The following ANKAR variants were observed in gnomAD, a reference collection of about 807,000 sequenced individuals.
ANKAR encodes the protein ankyrin and armadillo repeat containing.
Under a neutral mutation model 146.2 loss-of-function variants are expected in ANKAR, and 136 were observed. The observed-to-expected ratio is 0.93, with a 90% CI of 0.81 to 1.07. ANKAR has a LOEUF of 1.07. ANKAR is among the 50% of genes least tolerant of loss of function. ANKAR has a pLI of 0.00. For missense variants in ANKAR, 1,567 were observed against 1,679.9 expected (o/e 0.93, Z 1.18); for synonymous variants, 500 against 575.8 (o/e 0.87, Z 1.88).
intron 18 of ANKAR, among the ~76,000 whole-genome samples, chr2:189,760,400 C>T (rs892385028): frequency 2.6e-5 from 4 of 152,078 alleles, no homozygotes; most frequent in African/African-American, 9.7e-5. Context: ...ACCTCCCAGA[C>T]GGGGCGGCTG....
At chr2:189,748,043 C>A (rs1273983705), downstream of ANKAR, among the ~76,000 whole-genome samples, 1 of 152,136 alleles carries the variant, frequency 6.6e-6, no homozygotes, top group Non-Finnish European at 1.5e-5. Flanking sequence ...TGCCTCCATA[C>A]AGTCTGAGGG....
At chr2:189,737,065 C>T (rs562843266) in intron 17 of ANKAR, among the ~76,000 whole-genome samples, 2 of 145,786 alleles carry the variant, frequency 1.4e-5, no homozygotes, top group South Asian at 4.3e-4. Context: ...CAGAGGGAGA[C>T]TTTGTCTCAA....
intron 22 of ANKAR, among the ~76,000 whole-genome samples, chr2:189,745,304 G>C (rs1239037675): frequency 6.6e-6 from 1 of 151,994 alleles, no homozygotes; most frequent in African/African-American, 2.4e-5. Context: ...ATCATTTTCT[G>C]TAAGGCCTTC....
In ANKAR at chr2:189,743,426, T is replaced by A. The variant is rs531022911; in HGVS notation, c.3962T>A (p.Leu1321Ter). The change falls in exon 21 of 23, where the codon TTA (leucine) becomes TAA (stop). Residue 1321 changes from leucine (L) to a stop codon, truncating the protein, a stop_gained. Coordinates refer to ENST00000684021, the MANE Select transcript of ANKAR (RefSeq NM_001378068.1). LOFTEE classifies it high-confidence loss of function. ...GATGCAAGTATTAACCCAGCATTTT[T>A]AAAGGAATTTCAAATGCAACAAACA... is the stretch of plus-strand genomic sequence containing the variant. The part of the protein sequence containing the change: ...SRDASINPAF[L>*]KEFQMQQTLV... 1.2e-4 allele frequency: 197 copies of A among 1,614,002 alleles called. 2 individuals carry two copies. In the South Asian group the frequency reaches 2.0e-3, roughly 17 times the overall value.
At chr2:189,707,372 G>A (rs931177146) in intron 9 of ANKAR, among the ~76,000 whole-genome samples, 2 of 141,520 alleles carry the variant, frequency 1.4e-5, no homozygotes, top group African/African-American at 5.2e-5. Flanking sequence ...AAAGATCTGT[G>A]ACCCAGACTA....
intron 9 of ANKAR, among the ~76,000 whole-genome samples, chr2:189,710,626 G>T (rs2039559751): frequency 6.6e-6 from 1 of 152,058 alleles, no homozygotes; most frequent in African/African-American, 2.4e-5. Flanking sequence ...ATGGCAAAAT[G>T]CTGTCTCTGC....
In ANKAR at chr2:189,676,722, G is replaced by A. The variant is rs1559045729; in HGVS notation, c.232G>A (p.Val78Ile). ...PCGIMSQMNN[V>I]GFSTAILLTP... ...TGGAATTATGAGTCAAATGAATAACGTAGGCTTCTCCACTGCAATCCTACT... is the reference window on the plus strand; with the variant it reads ...TGGAATTATGAGTCAAATGAATAACATAGGCTTCTCCACTGCAATCCTACT... Residue 78 changes from valine to isoleucine, a missense_variant, in exon 2 of 23, where the codon GTA becomes ATA. By Grantham distance (29) the Val-to-Ile change is conservative. Coordinates refer to ENST00000684021, the MANE Select transcript of ANKAR (RefSeq NM_001378068.1). The A allele has an allele frequency of 1.9e-6, 3 of 1,614,174 alleles. No homozygotes were observed. Among genetic ancestry groups the A allele is most frequent in the African/African-American group, 1.3e-5 (1 of 75,036 alleles).
chr2:189,695,117 CA>C lies in ANKAR; in HGVS notation c.1446del (p.Gln482HisfsTer12). 6.2e-7 allele frequency: 1 copy of C among 1,607,240 alleles called. No homozygotes were observed. Among genetic ancestry groups the C allele is most frequent in the Non-Finnish European group, 8.5e-7 (1 of 1,178,026 alleles). On this transcript the variant is annotated frameshift_variant, in exon 6 of 23. Transcript: ENST00000684021. LOFTEE classifies it high-confidence loss of function. The part of the protein sequence containing the change: ...LPLTDAQLHE[Q>X]FKKKLGFKRA... ...ACTGACAGATGCTCAATTACATGAA[CA>C]ATTTAAGAAAAAGCTTGGTTTCAAA...
chr2:189,713,242 A>T (rs1052484867), intron 10 of ANKAR, among the ~76,000 whole-genome samples: 1 of 152,222 alleles, frequency 6.6e-6, no homozygotes, highest in Non-Finnish European at 1.5e-5. Context: ...AGGAAGGCCA[A>T]CATTCAATTC....
intron 10 of ANKAR, among the ~76,000 whole-genome samples, chr2:189,712,155 T>A (rs2039782894): frequency 1.8e-4 from 1 of 5,608 alleles, no homozygotes; most frequent in Non-Finnish European, 5.7e-3. Flanking sequence ...AGACCCCACA[T>A]CTGGGGGGGC....
At chr2:189,762,748 C>A, downstream of ANKAR, 2 of 985,512 alleles carry the variant, frequency 2.0e-6, no homozygotes, top group Non-Finnish European at 2.4e-6. Context: ...GTCGACTGCC[C>A]TTATCGCTGC....
At chr2:189,723,351 T>G (rs905741248) in intron 12 of ANKAR, among the ~76,000 whole-genome samples, 4 of 152,212 alleles carry the variant, frequency 2.6e-5, no homozygotes, top group Non-Finnish European at 5.9e-5. Context: ...CATATATTCA[T>G]GTATGCATGC....
In ANKAR at chr2:189,711,080, G is replaced by A. The variant is rs1257001907; in HGVS notation, c.2151G>A (p.Arg717=). The A allele has an allele frequency of 9.9e-6, 16 of 1,613,922 alleles. No individual in the cohort carries two copies. Among genetic ancestry groups the A allele is most frequent in the East Asian group, 2.2e-5 (1 of 44,862 alleles). Reference sequence around the variant, plus strand: ...TACAGTGTGAAAGCTATAAACGAAGGATGATGGCCGTCATGTCCTTGGAAG... The same window carrying A: ...TACAGTGTGAAAGCTATAAACGAAGAATGATGGCCGTCATGTCCTTGGAAG... ...EMLQCESYKR[R]MMAVMSLEVI... The change falls in exon 10 of 23, where the codon AGG becomes AGA. Residue 717 remains arginine (R), a synonymous_variant. Transcript: ENST00000684021.
chr2:189,733,159 A>C lies in ANKAR; in HGVS notation c.3353A>C (p.Gln1118Pro). Residue 1118 changes from glutamine to proline, a missense_variant, in exon 17 of 23, where the codon CAG (glutamine) becomes CCG (proline). By Grantham distance (76) the Gln-to-Pro change is moderately conservative. Transcript: ENST00000684021. ...ATTGTCCTAGGGAATGATGTGTTAC[A>C]GAAAGACTTACATGAAAATGAAGGA... ...ACIVLGNDVL[Q>P]KDLHENEGFE... The C allele has an allele frequency of 1.2e-6, 2 of 1,613,008 alleles. No homozygotes were observed. The highest frequency in any genetic ancestry group is 1.7e-6 in the Non-Finnish European group (2 of 1,179,394).
In ANKAR at chr2:189,720,772, C is replaced by T. The variant is rs751107973; in HGVS notation, c.2620C>T (p.Leu874=). The T allele has an allele frequency of 1.1e-5, 17 of 1,489,804 alleles. No homozygotes were observed. The highest frequency in any genetic ancestry group is 1.4e-5 in the Non-Finnish European group (16 of 1,126,172). The allele number at this position is 1,489,804 out of a possible 1,614,324, so 92.3% of individuals were successfully genotyped here. Reference sequence around the variant, plus strand: ...AGGCCTCCCATATCTTATCAGATTTCTGAGTTCTGATTCAGGTGAGCTTCT... The same window carrying T: ...AGGCCTCCCATATCTTATCAGATTTTTGAGTTCTGATTCAGGTGAGCTTCT... The part of the protein sequence containing the change: ...HKGLPYLIRF[L]SSDSDVLKAV... The change falls in exon 12 of 23, where the codon CTG becomes TTG. Residue 874 remains leucine, a synonymous_variant. Coordinates refer to ENST00000684021, the MANE Select transcript of ANKAR (RefSeq NM_001378068.1).
At position 189,712,935 on chromosome 2, in the gene ANKAR, A is replaced by C. The variant is rs2039909033; in HGVS notation, c.2224+1782A>C. The stretch of plus-strand genomic sequence containing the variant: ...AGTGTAGAGAAGACCTTAAATGACC[A>C]GATGGAGCTGAAAACCATGGCACGA... On this transcript the variant is annotated intron_variant, in intron 10 of 22. Coordinates refer to ENST00000684021, the MANE Select transcript of ANKAR (RefSeq NM_001378068.1). Among the ~76,000 whole-genome samples the C allele has an allele frequency of 2.0e-5, 3 of 152,216 alleles. No individual in the cohort carries two copies. The South Asian group carries it at 6.2e-4, about 32-fold the overall frequency.
chr2:189,749,511 T>G (rs1416190266), downstream of ANKAR, among the ~76,000 whole-genome samples: 2 of 151,808 alleles, frequency 1.3e-5, no homozygotes, highest in East Asian at 3.9e-4. Context: ...AAAACAGTGA[T>G]AAGCTTATAA....
chr2:189,741,441 G>T lies in ANKAR; in HGVS notation c.3800G>T (p.Gly1267Val). The T allele has an allele frequency of 6.3e-7, 1 of 1,597,524 alleles. No homozygotes were observed. Among genetic ancestry groups the T allele is most frequent in the South Asian group, 1.1e-5 (1 of 87,370 alleles). ...IQRLCYHLYS[G>V]IEEVRAACSS... Reference sequence around the variant, plus strand: ...CGGCTCTGCTATCATTTGTACTCGGGAATAGAAGAGGTAAAAACAAGCAAA... The same window carrying T: ...CGGCTCTGCTATCATTTGTACTCGGTAATAGAAGAGGTAAAAACAAGCAAA... Residue 1267 changes from glycine to valine, a missense_variant, in exon 20 of 23, where the codon GGA becomes GTA. Physicochemically the swap from Gly to Val is moderately radical, Grantham distance 109. Coordinates refer to ENST00000684021, the MANE Select transcript of ANKAR (RefSeq NM_001378068.1).
At chr2:189,754,360 TA>T in intron 18 of ANKAR, 2 of 1,579,380 alleles carry the variant, frequency 1.3e-6, no homozygotes, top group Non-Finnish European at 1.7e-6. Flanking sequence ...CAAAGAAACA[TA>T]TTTTTTAGAG....
Sources: allele counts gnomAD v4.1 joint callset (sites outside exome capture counted in the v4.1 genomes callset), GRCh38; gene constraint gnomAD v4.1.1; transcripts MANE v1.5; gene names NCBI Gene and HGNC (gene_info 2026-07-23, HGNC 2026-07-21).